Variants in IPO9 observed in about 807,000 individuals in gnomAD.
The protein encoded by IPO9 is importin 9, also known as importin-9.
In IPO9, 28 loss-of-function variants were observed where a neutral mutation model predicts 128.6. The ratio of observed to expected loss-of-function variants is 0.22; its 90% CI spans 0.16 to 0.30. The LOEUF is 0.30. Ranked by LOEUF, IPO9 falls within the 10% of genes least tolerant of loss-of-function variation. IPO9 has a pLI of 1.00. For synonymous variants in IPO9, 455 were observed against 475.8 expected (o/e 0.96, Z 0.57); for missense variants, 935 against 1,293.9 (o/e 0.72, Z 4.26).
chr1:201,877,463 G>T lies in IPO9; in HGVS notation c.*1409G>T, dbSNP rs1045598722. ...GGTTGCAGTGAACCGATATCACACC[G>T]TTGCATTCCAAGGCAAGACTCAATC... On this transcript the variant is annotated 3_prime_UTR_variant, in exon 24 of 24. Coordinates refer to ENST00000361565, the MANE Select transcript of IPO9 (RefSeq NM_018085.5). The T allele has an allele frequency of 6.6e-6, 1 of 151,402 alleles. No homozygotes were observed. Among genetic ancestry groups the T allele is most frequent in the African/African-American group, 2.4e-5 (1 of 41,102 alleles). 9.4% of individuals were successfully genotyped at this position (151,402 alleles called of 1,614,324 possible). A position where few individuals can be genotyped will look rare whatever the true frequency, so the allele number is the denominator to read the frequency against.
intron 2 of IPO9, 77 bp downstream of exon 2, chr1:201,847,417 A>C: frequency 7.0e-7 from 1 of 1,429,056 alleles, no homozygotes; most frequent in Non-Finnish European, 9.8e-7. Context: ...AAAGAAAAAT[A>C]AGGCCAGTGT....
chr1:201,851,619 C>T (rs1425703396), intron 4 of IPO9, among the ~76,000 whole-genome samples: 2 of 152,078 alleles, frequency 1.3e-5, no homozygotes, highest in African/African-American at 4.8e-5. Flanking sequence ...TCAATAAAAT[C>T]TGAGAAGAGT....
At chr1:201,852,867 A>G in intron 5 of IPO9, 144 bp from the exon 6 acceptor site, 1 of 671,462 alleles carries the variant, frequency 1.5e-6, no homozygotes, top group Non-Finnish European at 2.7e-6. Flanking sequence ...CTGGACATAA[A>G]TGAATTACAT....
intron 14 of IPO9, among the ~76,000 whole-genome samples, chr1:201,863,819 T>C (rs557851529): frequency 8.5e-5 from 13 of 152,334 alleles, no homozygotes; most frequent in African/African-American, 3.1e-4. Context: ...CCTCTTCCTC[T>C]TTAAATTCGC....
Position 201,829,277 on chromosome 1 carries a change from A to T in IPO9, c.68A>T (p.Glu23Val), listed in dbSNP as rs1231865098. Residue 23 changes from glutamate (E) to valine (V), a missense_variant, in exon 1 of 24, where the codon GAA becomes GTA. Physicochemically the swap from Glu to Val is moderately radical, Grantham distance 121. Transcript: ENST00000361565. ...LPGPVAQGLK[E>V]ALVDTLTGIL... ...GGTCCAGTGGCACAAGGATTAAAGG[A>T]AGCGTTAGTGGATACGCTCACCGGG... 1 of 1,600,972 alleles carries T rather than the reference A, an allele frequency of 6.2e-7. No homozygotes were observed. Among genetic ancestry groups the T allele is most frequent in the Non-Finnish European group, 8.5e-7 (1 of 1,174,988 alleles).
chr1:201,866,832 C>T lies in IPO9; in HGVS notation c.1728C>T (p.Ser576=), dbSNP rs1571553874. ...DGLIHLAAQF[S]SEVLNLVMET... ...TAATTCACCTAGCAGCCCAGTTCAG[C>T]TCAGAGGTCCTCAACCTGGTGATGG... The change falls in exon 15 of 24, where the codon AGC becomes AGT. Residue 576 remains serine (S), a synonymous_variant. Transcript: ENST00000361565. The T allele has an allele frequency of 6.2e-7, 1 of 1,614,164 alleles. No homozygotes were observed. The highest frequency in any genetic ancestry group is 8.5e-7 in the Non-Finnish European group (1 of 1,180,028).
intron 15 of IPO9, among the ~76,000 whole-genome samples, chr1:201,868,306 GC>G (rs1680591992): frequency 1.6e-5 from 2 of 124,814 alleles, no homozygotes; most frequent in Non-Finnish European, 3.5e-5. Flanking sequence ...TATCAGTTGG[GC>G]TTTTTTTTTT....
At chr1:201,865,199 C>CTTTTTTTTTTTTTTTTTTTTTTT (rs201084995) in intron 14 of IPO9, among the ~76,000 whole-genome samples, 3 of 132,852 alleles carry the variant, frequency 2.3e-5, no homozygotes, top group Non-Finnish European at 4.7e-5. Flanking sequence ...AACTATTTTT[C>CTTTTTTTTTTTTTTTTTTTTTTT]TTTTTTTTTT....
At chr1:201,857,940 T>G (rs1255789048) in intron 11 of IPO9, among the ~76,000 whole-genome samples, 1 of 152,230 alleles carries the variant, frequency 6.6e-6, no homozygotes, top group Non-Finnish European at 1.5e-5. Context: ...TCTTTGCCTC[T>G]TCTGACTAGA....
chr1:201,847,584 G>A lies in IPO9; in HGVS notation c.258G>A (p.Glu86=). The A allele has an allele frequency of 1.2e-6, 2 of 1,614,032 alleles. No homozygotes were observed. The highest frequency in any genetic ancestry group is 1.7e-6 in the Non-Finnish European group (2 of 1,179,960). The stretch of plus-strand genomic sequence containing the variant: ...CAGTCATCTTGAAACAATATGTGGA[G>A]ACTCACTGGTGTGCCCAATCAGAGA... ...LASVILKQYV[E]THWCAQSEKF... Residue 86 remains glutamate, a synonymous_variant, in exon 3 of 24, where the codon GAG becomes GAA. Coordinates refer to ENST00000361565, the MANE Select transcript of IPO9 (RefSeq NM_018085.5).
chr1:201,875,115 T>C, intron 22 of IPO9, 37 bp from the exon 23 acceptor site: 4 of 1,590,692 alleles, frequency 2.5e-6, no homozygotes, highest in Non-Finnish European at 3.5e-6. Context: ...TCATGGGCCT[T>C]TGTCCTGACC....
intron 1 of IPO9, among the ~76,000 whole-genome samples, chr1:201,846,601 C>G (rs1330791135): frequency 6.6e-6 from 1 of 152,128 alleles, no homozygotes; most frequent in Admixed American, 6.5e-5. Context: ...TCTTAAACTC[C>G]TGACCTTGTG....
intron 1 of IPO9, 36 bp downstream of exon 1, chr1:201,829,408 C>T: frequency 1.3e-6 from 2 of 1,508,012 alleles, no homozygotes; most frequent in African/African-American, 1.4e-5. Flanking sequence ...GATGGCTCAG[C>T]CGCACAATCC....
intron 10 of IPO9, 25 bp from the exon 11 acceptor site, chr1:201,857,071 C>G (rs752142783): frequency 2.2e-6 from 3 of 1,389,994 alleles, no homozygotes; most frequent in Non-Finnish European, 3.1e-6. Flanking sequence ...GGCAGCATCA[C>G]AAAGACATAA....
At chr1:201,850,447 G>A (rs570403347) in intron 4 of IPO9, 3 of 152,274 alleles carry the variant, frequency 2.0e-5, no homozygotes, top group African/African-American at 7.2e-5. Flanking sequence ...TCTATTTATA[G>A]ATGAGAACCA....
chr1:201,856,640 T>A (rs577936117), intron 10 of IPO9, among the ~76,000 whole-genome samples: 3 of 151,904 alleles, frequency 2.0e-5, no homozygotes, highest in African/African-American at 7.2e-5. Flanking sequence ...AAGAAAAGAT[T>A]TTTTTAAGCT....
In IPO9 at chr1:201,876,266, C is replaced by T. The variant is rs532145511; in HGVS notation, c.*212C>T. 8.9e-5 allele frequency: 61 copies of T among 685,164 alleles called. 2 individuals carry two copies. The South Asian group carries it at 9.3e-4, about 10-fold the overall frequency. The allele number at this position is 685,164 out of a possible 1,614,324, so 42.4% of individuals were successfully genotyped here. A position where few individuals can be genotyped will look rare whatever the true frequency, so the allele number is the denominator to read the frequency against. On this transcript the variant is annotated 3_prime_UTR_variant, in exon 24 of 24. Coordinates refer to ENST00000361565, the MANE Select transcript of IPO9 (RefSeq NM_018085.5). ...GAACAAAGGACATTTCTCAAAGTTCCCCTGAAGACATGCCATCTCTAGAAC... is the reference window on the plus strand; with the variant it reads ...GAACAAAGGACATTTCTCAAAGTTCTCCTGAAGACATGCCATCTCTAGAAC...
At chr1:201,861,140 TG>T (rs1394834500) in intron 13 of IPO9, among the ~76,000 whole-genome samples, 1 of 152,158 alleles carries the variant, frequency 6.6e-6, no homozygotes, top group Admixed American at 6.5e-5. Flanking sequence ...CGCTCCAGCC[TG>T]GGCAACAGAG....
rs1680885180 is a variant in IPO9 at position 201,881,653 on chromosome 1, C to G, written c.*5599C>G. The stretch of plus-strand genomic sequence containing the variant: ...CCTGCTTCCTCTAGAGAATGGGAGA[C>G]TACCCAAGATAACTAAACAGGGAAG... On this transcript the variant is annotated 3_prime_UTR_variant, in exon 24 of 24. Transcript: ENST00000361565. 1.3e-5 allele frequency: 2 copies of G among 152,160 alleles called. No homozygotes were observed. The highest frequency in any genetic ancestry group is 1.3e-4 in the Admixed American group (2 of 15,274). The allele number at this position is 152,160 out of a possible 1,614,324, so 9.4% of individuals were successfully genotyped here.
Sources: allele counts gnomAD v4.1 joint callset (sites outside exome capture counted in the v4.1 genomes callset), GRCh38; gene constraint gnomAD v4.1.1; transcripts MANE v1.5; gene names NCBI Gene and HGNC (gene_info 2026-07-23, HGNC 2026-07-21).